Variants in PLA2G7 observed in about 807,000 individuals in gnomAD.
PLA2G7 encodes the protein platelet-activating factor acetylhydrolase.
PLA2G7 carries 63 observed loss-of-function variants against 49.6 expected under a neutral mutation model. The observed-to-expected ratio is 1.27, with a 90% CI of 1.04 to 1.57. The LOEUF is 1.57. Among genes scored for constraint, PLA2G7 ranks in the 40% most tolerant of loss-of-function variants. The probability of loss-of-function intolerance (pLI) is 0.00; values close to 1 mark genes in which losing one functional copy is unlikely to be tolerated. For missense variants in PLA2G7, 596 were observed against 521.2 expected (o/e 1.14, Z -1.40); for synonymous variants, 193 against 169.9 (o/e 1.14, Z -1.06).
intron 7 of PLA2G7, 35 bp from the exon 8 acceptor site, chr6:46,710,693 T>C (rs1764986851): frequency 6.8e-7 from 1 of 1,474,252 alleles, no homozygotes; most frequent in Non-Finnish European, 9.5e-7. Flanking sequence ...AATGACAAAG[T>C]AAAAAGTTAT....
intron 6 of PLA2G7, among the ~76,000 whole-genome samples, chr6:46,711,943 C>A (rs1480851413): frequency 1.3e-5 from 2 of 152,110 alleles, no homozygotes; most frequent in Non-Finnish European, 2.9e-5. Context: ...GGCAAATTAC[C>A]CTTTATCACC....
chr6:46,710,749 C>G lies in PLA2G7; in HGVS notation c.664-91G>C, dbSNP rs45440699. On this transcript the variant is annotated intron_variant, in intron 7 of 11. Coordinates refer to ENST00000274793, the MANE Select transcript of PLA2G7 (RefSeq NM_005084.4). ...GGTAGAAGCTGTATTTGGGAAAAAT[C>G]GTTGGTCAGTTATAAACTGGAAATC... 866 of 986,468 alleles carry G rather than the reference C, an allele frequency of 8.8e-4. 6 individuals carry two copies. In the African/African-American group the frequency reaches 0.012, roughly 14 times the overall value. 61.1% of individuals were successfully genotyped at this position (986,468 alleles called of 1,614,324 possible). A position where few individuals can be genotyped will look rare whatever the true frequency, so the allele number is the denominator to read the frequency against.
chr6:46,726,926 G>A (rs545842713), intron 1 of PLA2G7, among the ~76,000 whole-genome samples: 2 of 152,176 alleles, frequency 1.3e-5, no homozygotes, highest in African/African-American at 4.8e-5. Context: ...ACAGGCATGA[G>A]CCACCAACAT....
chr6:46,727,267 T>A (rs1361288195), intron 1 of PLA2G7, among the ~76,000 whole-genome samples: 1 of 152,128 alleles, frequency 6.6e-6, no homozygotes, highest in East Asian at 1.9e-4. Flanking sequence ...CAGGCATCAT[T>A]TCCCTTTTCG....
chr6:46,734,091 T>C (rs1765815025), intron 1 of PLA2G7, among the ~76,000 whole-genome samples: 1 of 152,096 alleles, frequency 6.6e-6, no homozygotes. Context: ...TGACAGAAAT[T>C]TCTCTTACAA....
intron 10 of PLA2G7, among the ~76,000 whole-genome samples, chr6:46,706,586 T>C (rs1764837779): frequency 6.6e-6 from 1 of 152,206 alleles, no homozygotes; most frequent in African/African-American, 2.4e-5. Flanking sequence ...AGCAGGCCTT[T>C]AGTGTCTTTG....
intron 7 of PLA2G7, 92 bp downstream of exon 7, chr6:46,711,404 T>C (rs1765014755): frequency 7.2e-7 from 1 of 1,394,230 alleles, no homozygotes; most frequent in Non-Finnish European, 1.0e-6. Flanking sequence ...GCTAGGAGCA[T>C]AACTTGCCAG....
At chr6:46,730,206 G>A (rs1298627760) in intron 1 of PLA2G7, among the ~76,000 whole-genome samples, 2 of 152,210 alleles carry the variant, frequency 1.3e-5, no homozygotes, top group African/African-American at 4.8e-5. Context: ...AAGGAATGAG[G>A]AATGTTTACT....
chr6:46,708,339 A>G (rs1465872697), intron 9 of PLA2G7, among the ~76,000 whole-genome samples, 178 bp from the exon 10 acceptor site: 1 of 152,194 alleles, frequency 6.6e-6, no homozygotes, highest in Non-Finnish European at 1.5e-5. Context: ...TTAACTTTGT[A>G]AAGTAGCAGA....
rs1415982988 is a variant in PLA2G7, at chr6:46,716,418, G to T, written c.342C>A (p.His114Gln). ...ACCTCAAAATGTTGCCCATAAGCCAGTGTGTTCCAAGAAATTTGCTAAGAC... is the reference window on the plus strand; with the variant it reads ...ACCTCAAAATGTTGCCCATAAGCCATTGTGTTCCAAGAAATTTGCTAAGAC... Reference protein sequence around the residue: ...FWGLSKFLGTHWLMGNILRLL... With the variant: ...FWGLSKFLGTQWLMGNILRLL... Residue 114 changes from histidine to glutamine, a missense_variant, in exon 4 of 12, where the codon CAC becomes CAA. Transcript: ENST00000274793. 1.9e-6 allele frequency: 3 copies of T among 1,613,946 alleles called. No homozygotes were observed. The African/African-American group carries it at 4.0e-5, about 22-fold the overall frequency.
intron 10 of PLA2G7, among the ~76,000 whole-genome samples, chr6:46,707,011 A>T (rs1470110933): frequency 6.6e-6 from 1 of 152,164 alleles, no homozygotes; most frequent in Admixed American, 6.5e-5. Flanking sequence ...CTTCTCCTAA[A>T]TAAACCAGAT....
intron 6 of PLA2G7, among the ~76,000 whole-genome samples, chr6:46,712,024 G>T (rs1403830811): frequency 6.6e-6 from 1 of 152,138 alleles, no homozygotes; most frequent in African/African-American, 2.4e-5. Context: ...TATGAAGACT[G>T]AATGAAATGG....
intron 5 of PLA2G7, among the ~76,000 whole-genome samples, chr6:46,713,235 A>AGC (rs1183715402): frequency 1.3e-5 from 2 of 152,202 alleles, no homozygotes; most frequent in Non-Finnish European, 2.9e-5. Flanking sequence ...TCCACAGAGA[A>AGC]TAAAAAGGAG....
chr6:46,723,913 CT>C (rs1418851800), intron 1 of PLA2G7, among the ~76,000 whole-genome samples: 1 of 152,210 alleles, frequency 6.6e-6, no homozygotes, highest in East Asian at 1.9e-4. Flanking sequence ...AATCCTTCCC[CT>C]AGCCCCTCTT....
chr6:46,711,741 CTCTATAT>C, intron 6 of PLA2G7, 122 bp from the exon 7 acceptor site: 1 of 992,162 alleles, frequency 1.0e-6, no homozygotes, highest in Non-Finnish European at 1.6e-6. Context: ...TCTTCTTCCA[CTCTATAT>C]TTTCTCTTAA....
chr6:46,725,056 A>C (rs1261245665), intron 1 of PLA2G7, among the ~76,000 whole-genome samples: 1 of 152,236 alleles, frequency 6.6e-6, no homozygotes, highest in Non-Finnish European at 1.5e-5. Flanking sequence ...TAATACAGGA[A>C]GAAAGCAAAT....
chr6:46,714,491 C>CCCCTCT lies in PLA2G7; in HGVS notation c.438_439insAGAGGG (p.Leu146_Val147insArgGly). ...GCCCCAAGACCATGAGAAAAAACAA[C>CCCCTCT]AAGTGGATATTTTTCACCAGGCCTC... On this transcript the variant is annotated inframe_insertion, in exon 5 of 12. Transcript: ENST00000274793. 1 of 1,612,826 alleles carries CCCCTCT rather than the reference C, an allele frequency of 6.2e-7. No homozygotes were observed.
At chr6:46,725,504 A>C (rs1193037524) in intron 1 of PLA2G7, among the ~76,000 whole-genome samples, 2 of 152,114 alleles carry the variant, frequency 1.3e-5, no homozygotes, top group East Asian at 3.9e-4. Context: ...TGCTGGGATT[A>C]CAGTCATCAG....
chr6:46,725,464 T>C (rs962032771), intron 1 of PLA2G7, among the ~76,000 whole-genome samples: 2 of 152,048 alleles, frequency 1.3e-5, no homozygotes, highest in Non-Finnish European at 2.9e-5. Context: ...TCTCCTGACC[T>C]CATGATCTGC....
Sources: allele counts gnomAD v4.1 joint callset (sites outside exome capture counted in the v4.1 genomes callset), GRCh38; gene constraint gnomAD v4.1.1; transcripts MANE v1.5; gene names NCBI Gene and HGNC (gene_info 2026-07-23, HGNC 2026-07-21).